KCNE1: variants seen among roughly 807,000 people sequenced by gnomAD.
KCNE1 encodes the protein potassium voltage-gated channel subfamily E regulatory subunit 1, also known as potassium voltage-gated channel subfamily E member 1.
KCNE1 carries 1 observed loss-of-function variant against 2.9 expected under a neutral mutation model. That is an observed-to-expected ratio of 0.34 (90% CI 0.12 to 1.62). KCNE1 has a LOEUF of 1.62. KCNE1 is among the 40% of genes most tolerant of loss of function. The probability of loss-of-function intolerance (pLI) is 0.36; values close to 1 mark genes in which losing one functional copy is unlikely to be tolerated. For missense variants in KCNE1, 45 were observed against 150.5 expected, an observed-to-expected ratio of 0.30 and a Z score of 3.67; for synonymous variants, 23 against 65.4, an observed-to-expected ratio of 0.35 and a Z score of 3.13.
chr21:34,501,683 G>T (rs926751797), intron 2 of KCNE1, among the ~76,000 whole-genome samples: 2 of 152,110 alleles, frequency 1.3e-5, no homozygotes, highest in Non-Finnish European at 1.5e-5. Context: ...AGAACCTGAG[G>T]GTGTAAGGGT....
In KCNE1 at chr21:34,449,385, A is replaced by G. The variant is rs1980981904; in HGVS notation, c.250T>C (p.Ser84Pro). Residue 84 changes from serine to proline, a missense_variant, in exon 4 of 4, where the codon TCC (serine) becomes CCC (proline). Transcript: ENST00000399286. ...SNDPFNVYIE[S>P]DAWQEKDKAY... Reference sequence around the variant, plus strand: ...TTGTCCTTCTCTTGCCAGGCATCGGACTCGATGTAGACGTTGAATGGGTCG... The same window carrying G: ...TTGTCCTTCTCTTGCCAGGCATCGGGCTCGATGTAGACGTTGAATGGGTCG... 1.2e-6 allele frequency: 2 copies of G among 1,604,350 alleles called. No homozygotes were observed. The highest frequency in any genetic ancestry group is 2.2e-5 in the South Asian group (2 of 90,596).
chr21:34,505,093 GA>G (rs1379353865), intron 2 of KCNE1, among the ~76,000 whole-genome samples: 4 of 152,134 alleles, frequency 2.6e-5, no homozygotes, highest in African/African-American at 9.7e-5. Flanking sequence ...AAGGCATTAA[GA>G]ACTAAACAAA....
chr21:34,497,655 T>C (rs1982895940), intron 2 of KCNE1, among the ~76,000 whole-genome samples: 1 of 152,234 alleles, frequency 6.6e-6, no homozygotes, highest in South Asian at 2.1e-4. Flanking sequence ...GATGACTACA[T>C]GCCTAGATGA....
intron 2 of KCNE1, among the ~76,000 whole-genome samples, chr21:34,496,305 C>T (rs1982802712): frequency 6.6e-6 from 1 of 152,138 alleles, no homozygotes; most frequent in Non-Finnish European, 1.5e-5. Context: ...GATCTCCTGA[C>T]CTCGTGATCC....
At chr21:34,509,116 G>A (rs1983683601) in intron 2 of KCNE1, among the ~76,000 whole-genome samples, 1 of 152,214 alleles carries the variant, frequency 6.6e-6, no homozygotes, top group South Asian at 2.1e-4. Context: ...GGGTTGGCTG[G>A]GGCCTCTGCT....
chr21:34,496,931 T>A (rs1042106563), intron 2 of KCNE1, among the ~76,000 whole-genome samples: 1 of 152,216 alleles, frequency 6.6e-6, no homozygotes, highest in African/African-American at 2.4e-5. Context: ...TTTGTCTTTT[T>A]AAATTGTTGT....
In KCNE1 at chr21:34,449,681, A is replaced by AC. The variant is rs1981083582; in HGVS notation, c.-48dup. 1.3e-6 allele frequency: 1 copy of AC among 761,756 alleles called. No individual in the cohort carries two copies. Among genetic ancestry groups the AC allele is most frequent in the African/African-American group, 2.5e-5 (1 of 40,774 alleles). 47.2% of individuals were successfully genotyped at this position (761,756 alleles called of 1,614,324 possible). ...GCTGCAGCTCAAACTTCCCAGGCAC[A>AC]CCTCTTAAAGGAAAAATGCAACCCC... On this transcript the variant is annotated 5_prime_UTR_variant, in exon 4 of 4. The change abolishes the stop of an existing upstream ORF in the 5' untranslated region. Transcript: ENST00000399286.
intron 2 of KCNE1, among the ~76,000 whole-genome samples, chr21:34,502,578 A>G (rs565572207): frequency 7.9e-4 from 121 of 152,284 alleles, no homozygotes; most frequent in African/African-American, 2.5e-3. Context: ...GCCTACCTGG[A>G]TGGAGCTCAC....
intron 2 of KCNE1, among the ~76,000 whole-genome samples, chr21:34,504,693 A>G (rs1983376863): frequency 6.6e-6 from 1 of 152,240 alleles, no homozygotes; most frequent in Non-Finnish European, 1.5e-5. Context: ...AATGTGGTCT[A>G]TCCAGACAAT....
chr21:34,496,833 T>A (rs1231367706), intron 2 of KCNE1, among the ~76,000 whole-genome samples: 2 of 152,230 alleles, frequency 1.3e-5, no homozygotes, highest in African/African-American at 4.8e-5. Context: ...TTTAGAAATT[T>A]GAGAGCTCCA....
At chr21:34,497,615 T>G (rs1982893564) in intron 2 of KCNE1, among the ~76,000 whole-genome samples, 1 of 152,118 alleles carries the variant, frequency 6.6e-6, no homozygotes, top group South Asian at 2.1e-4. Flanking sequence ...CTCTTAAGAG[T>G]CTTTCCTTCA....
chr21:34,500,938 G>A (rs1330696248), intron 2 of KCNE1, among the ~76,000 whole-genome samples: 2 of 152,188 alleles, frequency 1.3e-5, no homozygotes, highest in Non-Finnish European at 2.9e-5. Context: ...TATTTGGTTA[G>A]TTGCCTCAAC....
intron 2 of KCNE1, among the ~76,000 whole-genome samples, chr21:34,499,922 G>A (rs1386533204): frequency 1.3e-5 from 2 of 152,162 alleles, no homozygotes; most frequent in African/African-American, 4.8e-5. Context: ...CCATTCAAGT[G>A]GGAGCTGAAC....
chr21:34,504,640 A>G (rs1601102297), intron 2 of KCNE1, among the ~76,000 whole-genome samples: 1 of 152,376 alleles, frequency 6.6e-6, no homozygotes, highest in African/African-American at 2.4e-5. Flanking sequence ...TATTCATAGT[A>G]GCCAAAACCC....
rs1983705656 is a variant in KCNE1 at position 34,509,482 on chromosome 21, G to A, written c.-162+1619C>T. The stretch of plus-strand genomic sequence containing the variant: ...ACTTTTTTTTTGTTTTTGAGACAGA[G>A]TCTCGCTCTGTCACCCAGGCTGGAG... On this transcript the variant is annotated intron_variant, in intron 2 of 3. Coordinates refer to ENST00000399286, the MANE Select transcript of KCNE1 (RefSeq NM_000219.6). The A allele has an allele frequency of 1.3e-5, 2 of 151,438 alleles. 1 individual carries two copies. The highest frequency in any genetic ancestry group is 4.2e-4 in the South Asian group (2 of 4,790). The allele number at this position is 151,438 out of a possible 1,614,324, so 9.4% of individuals were successfully genotyped here. A position where few individuals can be genotyped will look rare whatever the true frequency, so the allele number is the denominator to read the frequency against.
Position 34,511,234 on chromosome 21 carries a change from C to T in KCNE1, c.-295G>A. 6.1e-6 allele frequency: 6 copies of T among 985,596 alleles called. No homozygotes were observed. Among genetic ancestry groups the T allele is most frequent in the Non-Finnish European group, 7.2e-6 (6 of 830,048 alleles). The allele number at this position is 985,596 out of a possible 1,614,324, so 61.1% of individuals were successfully genotyped here. On this transcript the variant is annotated 5_prime_UTR_variant, in exon 2 of 4. Coordinates refer to ENST00000399286, the MANE Select transcript of KCNE1 (RefSeq NM_000219.6). ...ATCCTTCTGGTCTCTTCCTCCTGAGCACGGTTCTCCTGGTTGAGCTCCAGG... is the reference window on the plus strand; with the variant it reads ...ATCCTTCTGGTCTCTTCCTCCTGAGTACGGTTCTCCTGGTTGAGCTCCAGG...
rs199473646 is a variant in KCNE1 at position 34,449,426 on chromosome 21, T to A, written c.209A>T (p.Lys70Met). ...GAATGGGTCGTTCGAGTGCTCCAGC[T>A]TCTTGGAGCGGATGTAGCTCAGCAT... is the stretch of plus-strand genomic sequence containing the variant. The part of the protein sequence containing the change: ...GIMLSYIRSK[K>M]LEHSNDPFNV... The change falls in exon 4 of 4, where the codon AAG becomes ATG. Residue 70 changes from lysine (K) to methionine (M), a missense_variant. By Grantham distance (95) the Lys-to-Met change is moderately conservative. Transcript: ENST00000399286. 1 of 1,580,504 alleles carries A rather than the reference T, an allele frequency of 6.3e-7. No homozygotes were observed.
intron 1 of KCNE1, among the ~76,000 whole-genome samples, chr21:34,511,762 G>A (rs1442090218): frequency 6.6e-6 from 1 of 152,202 alleles, no homozygotes; most frequent in Non-Finnish European, 1.5e-5. Context: ...CCTGCACACA[G>A]GACCTTGGTG....
rs199473353 is a variant in KCNE1, at chr21:34,449,496, C to T, written c.139G>A (p.Val47Ile). Reference protein sequence around the residue: ...SSDGKLEALYVLMVLGFFGFF... With the variant: ...SSDGKLEALYILMVLGFFGFF... ...CCGAAGAATCCCAGTACCATGAGGA[C>T]GTAGAGGGCCTCCAGCTTGCCGTCA... Residue 47 changes from valine (V) to isoleucine (I), a missense_variant, in exon 4 of 4, where the codon GTC (valine) becomes ATC (isoleucine). Physicochemically the swap from Val to Ile is conservative, Grantham distance 29. Coordinates refer to ENST00000399286, the MANE Select transcript of KCNE1 (RefSeq NM_000219.6). 7.9e-5 allele frequency: 86 copies of T among 1,083,708 alleles called. 5 individuals are homozygous for T. Among genetic ancestry groups the T allele is most frequent in the Admixed American group, 6.3e-4 (30 of 47,570 alleles). The allele number at this position is 1,083,708 out of a possible 1,614,324, so 67.1% of individuals were successfully genotyped here. A position where few individuals can be genotyped will look rare whatever the true frequency, so the allele number is the denominator to read the frequency against.
Sources: gnomAD v4.1 joint callset for allele counts (sites outside exome capture counted in the v4.1 genomes callset) on GRCh38, gnomAD v4.1.1 for gene constraint, MANE v1.5 for transcripts, NCBI Gene and HGNC (gene_info 2026-07-23, HGNC 2026-07-21) for gene names.